The following FHDC1 variants were observed in gnomAD, a reference collection of about 807,000 sequenced individuals.
The protein encoded by FHDC1 is FH2 domain containing 1, also known as FH2 domain-containing protein 1.
In FHDC1, 25 loss-of-function variants were observed where a neutral mutation model predicts 52.6. That is an observed-to-expected ratio of 0.48 (90% CI 0.35 to 0.66). The LOEUF (loss-of-function observed/expected upper bound fraction) is 0.66, where lower values mean the gene tolerates loss of function less well. Ranked by LOEUF, FHDC1 falls within the 30% of genes least tolerant of loss-of-function variation. The probability of loss-of-function intolerance (pLI) is 0.01; values close to 1 mark genes in which losing one functional copy is unlikely to be tolerated. For missense variants in FHDC1, 1,459 were observed against 1,452.8 expected (o/e 1.00, Z -0.07); for synonymous variants, 616 against 581.5 (o/e 1.06, Z -0.85).
rs573521266 is a variant in FHDC1, at chr4:152,954,544, C to T, written c.663+225C>T. On this transcript the variant is annotated intron_variant, in intron 4 of 11. Transcript: ENST00000511601. ...TCTGCCAAAAATGCAAAAATTAGCC[C>T]GGTGTGGTGGCAGGCACCTGTAATC... Among the ~76,000 whole-genome samples the T allele has an allele frequency of 5.9e-5, 9 of 151,896 alleles. No individual in the cohort carries two copies. In the East Asian group the frequency reaches 1.6e-3, roughly 26 times the overall value.
intron 3 of FHDC1, among the ~76,000 whole-genome samples, 170 bp downstream of exon 3, chr4:152,953,730 G>A (rs940115319): frequency 1.3e-5 from 2 of 152,206 alleles, no homozygotes; most frequent in Admixed American, 1.3e-4. Flanking sequence ...TTTCTTCAGG[G>A]AAACATAACA....
Position 152,943,560 on chromosome 4 carries a change from G to T in FHDC1, c.498+5G>T, listed in dbSNP as rs751235361. 6.2e-7 allele frequency: 1 copy of T among 1,607,926 alleles called. No individual in the cohort carries two copies. On this transcript the variant is annotated splice_donor_5th_base_variant and intron_variant, in intron 2 of 11. Coordinates refer to ENST00000511601, the MANE Select transcript of FHDC1 (RefSeq NM_001371116.1). ...TTCAGAGAAGCTCGAGAAGAGGTAA[G>T]AATGCAAGGTGGAGGGCTAATCCTC...
At chr4:152,930,997 A>ACACACACACACACTCTCT in the FHDC1 span, among the ~76,000 whole-genome samples, 1 of 113,146 alleles carries the variant, frequency 8.8e-6, no homozygotes, top group African/African-American at 3.4e-5. Context: ...ACACACACAC[A>ACACACACACACACTCTCT]CTCTCTCTCT....
At chr4:152,973,651 G>A (rs897646689) in intron 11 of FHDC1, among the ~76,000 whole-genome samples, 44 of 152,250 alleles carry the variant, frequency 2.9e-4, no homozygotes, top group African/African-American at 1.0e-3. Context: ...GAGGTGGGAG[G>A]CTGAGGCCAG....
chr4:152,950,170 C>T lies in FHDC1; in HGVS notation c.499-3329C>T, dbSNP rs143161184. Among the ~76,000 whole-genome samples, 640 of 152,288 alleles carry T rather than the reference C, an allele frequency of 4.2e-3. 4 individuals are homozygous for T. The highest frequency in any genetic ancestry group is 7.1e-3 in the Admixed American group (109 of 15,290). The stretch of plus-strand genomic sequence containing the variant: ...GCAGATTCCACTGCTCTGAATGATT[C>T]CAAAACACCACCCAACCCGACCCGA... On this transcript the variant is annotated intron_variant, in intron 2 of 11. Transcript: ENST00000511601.
At chr4:152,939,254 G>A (rs1479474922) in intron 1 of FHDC1, among the ~76,000 whole-genome samples, 1 of 151,572 alleles carries the variant, frequency 6.6e-6, no homozygotes, top group African/African-American at 2.4e-5. Flanking sequence ...CTGTGTGTGT[G>A]TGTTTGAGTG....
intron 9 of FHDC1, among the ~76,000 whole-genome samples, chr4:152,966,721 C>G (rs934837211): frequency 2.6e-5 from 4 of 152,196 alleles, no homozygotes; most frequent in Non-Finnish European, 5.9e-5. Flanking sequence ...CCCACCCTCT[C>G]AAAGTGCTGG....
intron 1 of FHDC1, among the ~76,000 whole-genome samples, chr4:152,942,644 A>G (rs1461035557): frequency 6.6e-6 from 1 of 152,236 alleles, no homozygotes; most frequent in Non-Finnish European, 1.5e-5. Flanking sequence ...AGTGAGCAAT[A>G]CTTACTGAGC....
At chr4:152,927,357 T>C in the FHDC1 span, 3 of 719,776 alleles carry the variant, frequency 4.2e-6, no homozygotes, top group Admixed American at 5.8e-5. Context: ...TGGTTGCCAA[T>C]TGTGAACCCA....
intron 4 of FHDC1, among the ~76,000 whole-genome samples, chr4:152,956,284 T>G (rs1242855735): frequency 6.6e-6 from 1 of 152,200 alleles, no homozygotes; most frequent in Non-Finnish European, 1.5e-5. Context: ...ATCGTGTTGT[T>G]AAGTGAGGAT....
intron 10 of FHDC1, 40 bp downstream of exon 10, chr4:152,968,137 C>T (rs1740521563): frequency 2.8e-6 from 4 of 1,425,570 alleles, no homozygotes; most frequent in Non-Finnish European, 3.9e-6. Context: ...AATCTCATCT[C>T]CCAGCAGCAC....
rs767222518 is a variant in FHDC1 at position 152,976,309 on chromosome 4, C to T, written c.3018C>T (p.His1006=). Reference sequence around the variant, plus strand: ...AGGAAAATAAGACCTGCCGCGCCCACTCCGAGGGCCCTGAGAGTCCCAAAG... The same window carrying T: ...AGGAAAATAAGACCTGCCGCGCCCATTCCGAGGGCCCTGAGAGTCCCAAAG... ...KPEENKTCRA[H]SEGPESPKEE... is the part of the protein sequence containing the mutation. Residue 1006 remains histidine, a synonymous_variant, in exon 12 of 12, where the codon CAC becomes CAT. Transcript: ENST00000511601. 2 of 1,613,658 alleles carry T rather than the reference C, an allele frequency of 1.2e-6. No individual in the cohort carries two copies. The highest frequency in any genetic ancestry group is 1.7e-5 in the Admixed American group (1 of 60,018).
chr4:152,963,799 T>TTTTTG (rs1740369155), intron 8 of FHDC1, among the ~76,000 whole-genome samples: 2 of 106,020 alleles, frequency 1.9e-5, no homozygotes, highest in Non-Finnish European at 3.8e-5. Context: ...TTTTTTTTTT[T>TTTTTG]TTTTGACTGG....
At chr4:152,974,374 G>A (rs530995610) in intron 11 of FHDC1, among the ~76,000 whole-genome samples, 8 of 134,370 alleles carry the variant, frequency 6.0e-5, no homozygotes, top group African/African-American at 2.0e-4. Context: ...AAAGCTGGAA[G>A]TTGGGCCCAA....
intron 11 of FHDC1, among the ~76,000 whole-genome samples, chr4:152,973,146 G>C (rs905012239): frequency 1.3e-5 from 2 of 152,190 alleles, no homozygotes; most frequent in Non-Finnish European, 2.9e-5. Context: ...TGGGTTTAAT[G>C]TAGAAGCCAG....
chr4:152,919,023 A>G, the FHDC1 span, among the ~76,000 whole-genome samples: 1 of 152,248 alleles, frequency 6.6e-6, no homozygotes, highest in African/African-American at 2.4e-5. Flanking sequence ...CTTGAGGGCA[A>G]GAACTGTTTT....
intron 8 of FHDC1, among the ~76,000 whole-genome samples, chr4:152,963,980 T>C (rs1356698371): frequency 6.6e-6 from 1 of 152,004 alleles, no homozygotes; most frequent in Non-Finnish European, 1.5e-5. Flanking sequence ...GAGGAAGCCG[T>C]GGTGCAGTCT....
At chr4:152,930,962 A>AACACAC in the FHDC1 span, among the ~76,000 whole-genome samples, 9,938 of 104,320 alleles carry the variant, frequency 0.095, 491 homozygotes, top group Admixed American at 0.15. Context: ...TCCCCAGGGA[A>AACACAC]ACACACACAC....
chr4:152,947,174 G>A (rs1260189539), intron 2 of FHDC1, among the ~76,000 whole-genome samples: 6 of 149,300 alleles, frequency 4.0e-5, no homozygotes, highest in African/African-American at 7.5e-5. Context: ...AGTGGAGATC[G>A]CGCCACTGTA....
Sources: allele counts gnomAD v4.1 joint callset (sites outside exome capture counted in the v4.1 genomes callset), GRCh38; gene constraint gnomAD v4.1.1; transcripts MANE v1.5; gene names NCBI Gene and HGNC (gene_info 2026-07-23, HGNC 2026-07-21).